Variants in PLCB4 observed in about 807,000 individuals in gnomAD.
PLCB4 encodes 1-phosphatidylinositol 4,5-bisphosphate phosphodiesterase beta-4.
Under a neutral mutation model 178.8 loss-of-function variants are expected in PLCB4, and 77 were observed. The observed-to-expected ratio is 0.43, with a 90% CI of 0.36 to 0.52. The LOEUF (loss-of-function observed/expected upper bound fraction) is 0.52, where lower values mean the gene tolerates loss of function less well. PLCB4 is among the 20% of genes least tolerant of loss of function. The probability of loss-of-function intolerance (pLI) is 0.00; values close to 1 mark genes in which losing one functional copy is unlikely to be tolerated. For missense variants in PLCB4, 1,024 were observed against 1,453.4 expected (o/e 0.70, Z 4.80); for synonymous variants, 496 against 490.8 (o/e 1.01, Z -0.14).
intron 2 of PLCB4, among the ~76,000 whole-genome samples, chr20:9,212,877 A>G (rs1034883778): frequency 1.3e-5 from 2 of 152,188 alleles, no homozygotes; most frequent in Non-Finnish European, 2.9e-5. Context: ...TACATATCAT[A>G]AAATGCACTC....
chr20:9,150,032 A>G (rs1221390025), intron 2 of PLCB4, among the ~76,000 whole-genome samples: 10 of 152,222 alleles, frequency 6.6e-5, no homozygotes. Flanking sequence ...GGAATTTTCC[A>G]GAGAGGACTG....
intron 25 of PLCB4, 144 bp from the exon 26 acceptor site, chr20:9,419,663 T>G: frequency 1.6e-6 from 1 of 642,148 alleles, no homozygotes; most frequent in Non-Finnish European, 2.8e-6. Flanking sequence ...GCGGGCACAT[T>G]CTCTTCCATC....
intron 8 of PLCB4, among the ~76,000 whole-genome samples, chr20:9,364,569 G>A (rs1171978860): frequency 1.3e-5 from 2 of 152,190 alleles, no homozygotes; most frequent in African/African-American, 4.8e-5. Context: ...CAAATCACAT[G>A]AGTTCAAGCT....
Position 9,119,183 on chromosome 20 carries a change from A to C in PLCB4, c.-79+22841A>C, listed in dbSNP as rs150408375. 7.2e-4 allele frequency among the ~76,000 whole-genome samples: 110 copies of C among 152,246 alleles called. No individual in the cohort carries two copies. The East Asian group carries it at 0.019, about 26-fold the overall frequency. ...GGGAGCAAGTATTTGCCCTCACACT[A>C]TTTTAATGTGTATTTCTCTAGGTTA... On this transcript the variant is annotated intron_variant, in intron 2 of 39. Coordinates refer to ENST00000378473, the MANE Select transcript of PLCB4 (RefSeq NM_001377142.1).
Position 9,425,656 on chromosome 20 carries a change from C to G in PLCB4, c.2524+1704C>G, listed in dbSNP as rs2040946407. Among the ~76,000 whole-genome samples the G allele has an allele frequency of 3.9e-5, 6 of 152,322 alleles. No individual in the cohort carries two copies. The South Asian group carries it at 1.0e-3, about 26-fold the overall frequency. ...AATATTAGTCCTGCCAGTATTCTTT[C>G]CTAACATGTCATTGTGGCTGCTTAC... On this transcript the variant is annotated intron_variant, in intron 28 of 39. Coordinates refer to ENST00000378473, the MANE Select transcript of PLCB4 (RefSeq NM_001377142.1).
At chr20:9,156,425 A>G (rs1234731277) in intron 2 of PLCB4, among the ~76,000 whole-genome samples, 1 of 152,194 alleles carries the variant, frequency 6.6e-6, no homozygotes, top group Non-Finnish European at 1.5e-5. Context: ...CAGAAAGGTT[A>G]AGTAACATGC....
chr20:9,371,302 A>G lies in PLCB4; in HGVS notation c.585+7A>G. ...AGGTCTTCCCAGTGGAAAGGTATGC[A>G]TTAACTTAATAATGTATTTCTAAAA... On this transcript the variant is annotated splice_region_variant and intron_variant, in intron 10 of 39. Transcript: ENST00000378473. The G allele has an allele frequency of 1.4e-6, 2 of 1,463,956 alleles. No homozygotes were observed. Among genetic ancestry groups the G allele is most frequent in the Non-Finnish European group, 1.9e-6 (2 of 1,046,150 alleles). The allele number at this position is 1,463,956 out of a possible 1,614,324, so 90.7% of individuals were successfully genotyped here.
chr20:9,083,052 C>G (rs1419767196), intron 1 of PLCB4, among the ~76,000 whole-genome samples: 1 of 152,184 alleles, frequency 6.6e-6, no homozygotes, highest in African/African-American at 2.4e-5. Flanking sequence ...TAATTAAGAG[C>G]AGCAGATGCC....
chr20:9,377,372 T>C (rs1056864376), intron 12 of PLCB4, among the ~76,000 whole-genome samples: 4 of 152,212 alleles, frequency 2.6e-5, no homozygotes, highest in Non-Finnish European at 5.9e-5. Context: ...TGCTTGTGTC[T>C]CTGTGGAACT....
At chr20:9,122,976 A>ACT (rs2092007301) in intron 2 of PLCB4, among the ~76,000 whole-genome samples, 1 of 152,200 alleles carries the variant, frequency 6.6e-6, no homozygotes, top group Non-Finnish European at 1.5e-5. Flanking sequence ...TTCATTAAAA[A>ACT]CATAAGAAAC....
At chr20:9,120,346 C>G (rs2091916362) in intron 2 of PLCB4, among the ~76,000 whole-genome samples, 1 of 152,156 alleles carries the variant, frequency 6.6e-6, no homozygotes, top group Admixed American at 6.5e-5. Flanking sequence ...CTCCTTTTCT[C>G]AAACTCCTGA....
At chr20:9,474,673 G>C (rs928603846) in intron 38 of PLCB4, among the ~76,000 whole-genome samples, 4 of 139,388 alleles carry the variant, frequency 2.9e-5, no homozygotes, top group Admixed American at 7.8e-5. Flanking sequence ...CTTTGAGAAA[G>C]TAAAAATAAA....
intron 32 of PLCB4, among the ~76,000 whole-genome samples, chr20:9,450,588 G>T (rs2042693826): frequency 6.6e-6 from 1 of 150,774 alleles, no homozygotes; most frequent in South Asian, 2.1e-4. Context: ...TAGTAACCTT[G>T]CATCTCATAA....
chr20:9,236,745 T>C (rs776771043), intron 3 of PLCB4, among the ~76,000 whole-genome samples: 4 of 152,222 alleles, frequency 2.6e-5, no homozygotes, highest in Non-Finnish European at 5.9e-5. Context: ...TGAGTTTCTA[T>C]GGAAACTAAC....
chr20:9,253,302 T>C (rs1354643603), intron 3 of PLCB4, among the ~76,000 whole-genome samples: 1 of 152,184 alleles, frequency 6.6e-6, no homozygotes, highest in Admixed American at 6.5e-5. Context: ...ACATTCTTGG[T>C]CTTTGTCCAT....
intron 4 of PLCB4, among the ~76,000 whole-genome samples, chr20:9,313,572 T>C (rs1413762810): frequency 5.3e-5 from 8 of 152,234 alleles, no homozygotes; most frequent in Admixed American, 3.3e-4. Flanking sequence ...TTGCTGTGTT[T>C]TTATTCCAAG....
upstream of PLCB4, chr20:9,068,928 G>T (rs528191413): frequency 2.6e-5 from 4 of 151,548 alleles, no homozygotes; most frequent in East Asian, 4.0e-4. Context: ...GCGCGGAGAC[G>T]GGGAGGCGGG....
chr20:9,455,563 C>G (rs1020051140), intron 33 of PLCB4, among the ~76,000 whole-genome samples: 2 of 152,088 alleles, frequency 1.3e-5, no homozygotes, highest in Non-Finnish European at 2.9e-5. Flanking sequence ...ACCCCCCAAA[C>G]AGGCTATTGA....
At chr20:9,291,808 A>G (rs1270793896) in intron 3 of PLCB4, among the ~76,000 whole-genome samples, 1 of 152,208 alleles carries the variant, frequency 6.6e-6, no homozygotes, top group Non-Finnish European at 1.5e-5. Context: ...GTGGATGAAC[A>G]TATGAAGACT....
Sources: allele counts gnomAD v4.1 joint callset (sites outside exome capture counted in the v4.1 genomes callset), GRCh38; gene constraint gnomAD v4.1.1; transcripts MANE v1.5; gene names NCBI Gene and HGNC (gene_info 2026-07-23, HGNC 2026-07-21).